SHROOM4: variants seen among roughly 807,000 people sequenced by gnomAD.
The protein encoded by SHROOM4 is protein Shroom4.
Under a neutral mutation model 80.3 loss-of-function variants are expected in SHROOM4, and 17 were observed. The ratio of observed to expected loss-of-function variants is 0.21; its 90% CI spans 0.14 to 0.32. The LOEUF (loss-of-function observed/expected upper bound fraction) is 0.32, where lower values mean the gene tolerates loss of function less well. Ranked by LOEUF, SHROOM4 falls within the 10% of genes least tolerant of loss-of-function variation. The pLI is 1.00. For synonymous variants in SHROOM4, 400 were observed against 437.5 expected, an observed-to-expected ratio of 0.91 and a Z score of 1.07; for missense variants, 993 against 1,140.3, an observed-to-expected ratio of 0.87 and a Z score of 1.86.
intron 1 of SHROOM4, among the ~76,000 whole-genome samples, chrX:50,740,720 A>C (rs1326037444): frequency 4.5e-5 from 5 of 112,262 alleles, no homozygotes; most frequent in Non-Finnish European, 7.5e-5. Context: ...GTCTCAAAAA[A>C]TGTAAAACAA....
At chrX:50,630,512 G>A (rs73501640) in intron 4 of SHROOM4, among the ~76,000 whole-genome samples, 4,633 of 110,666 alleles carry the variant, frequency 0.042, 256 homozygotes, top group African/African-American at 0.14. Flanking sequence ...TCAAAACCAG[G>A]CAGTCTGGTT....
rs1425303861 is a variant in SHROOM4, at chrX:50,592,460, T to A, written c.*4235A>T. On this transcript the variant is annotated 3_prime_UTR_variant, in exon 9 of 9. Coordinates refer to ENST00000376020, the MANE Select transcript of SHROOM4 (RefSeq NM_020717.5). ...GAGCTAGTAGCCCAGGTTCATTGAA[T>A]AAGTGGCAGAACCAGGATTTGAACA... The A allele has an allele frequency of 1.3e-5, 3 of 229,499 alleles. No homozygotes were observed. Among genetic ancestry groups the A allele is most frequent in the African/African-American group, 8.7e-5 (3 of 34,468 alleles). 18.9% of individuals were successfully genotyped at this position (229,499 alleles called of 1,213,427 possible). A position where few individuals can be genotyped will look rare whatever the true frequency, so the allele number is the denominator to read the frequency against.
At chrX:50,628,803 A>T (rs782713141) in intron 4 of SHROOM4, among the ~76,000 whole-genome samples, 1 of 112,378 alleles carries the variant, frequency 8.9e-6, no homozygotes, top group Non-Finnish European at 1.9e-5. Context: ...GAGAACTCCT[A>T]GCACATTGCT....
intron 1 of SHROOM4, among the ~76,000 whole-genome samples, chrX:50,806,488 G>GGC (rs1569549349): frequency 8.9e-6 from 1 of 112,240 alleles, no homozygotes; most frequent in South Asian, 3.7e-4. Flanking sequence ...ATAGGGCAAA[G>GGC]AGGTATAAGG....
chrX:50,657,402 C>T (rs889151303), intron 2 of SHROOM4, among the ~76,000 whole-genome samples: 2 of 109,839 alleles, frequency 1.8e-5, no homozygotes, highest in Non-Finnish European at 3.8e-5. Flanking sequence ...CATATATAGC[C>T]TTATTGTGTT....
chrX:50,658,028 T>C (rs112654687), intron 2 of SHROOM4, among the ~76,000 whole-genome samples: 1,799 of 111,656 alleles, frequency 0.016, 42 homozygotes, highest in African/African-American at 0.056. Flanking sequence ...CTACTTCTTC[T>C]GCTATGTGAG....
At chrX:50,661,351 C>A (rs782491678) in intron 2 of SHROOM4, among the ~76,000 whole-genome samples, 13 of 110,973 alleles carry the variant, frequency 1.2e-4, no homozygotes, top group Non-Finnish European at 2.5e-4. Context: ...GCGTCCAACA[C>A]CACGCCTGGC....
At chrX:50,655,547 T>G (rs1932275160) in intron 2 of SHROOM4, among the ~76,000 whole-genome samples, 1 of 106,821 alleles carries the variant, frequency 9.4e-6, no homozygotes, top group African/African-American at 3.4e-5. Flanking sequence ...ATATATAACA[T>G]ATATTTTTAT....
chrX:50,785,914 A>G (rs1326158609), intron 1 of SHROOM4, among the ~76,000 whole-genome samples: 9 of 112,009 alleles, frequency 8.0e-5, no homozygotes, highest in African/African-American at 2.9e-4. Flanking sequence ...CCAAACAAAT[A>G]AAAATCAGTA....
At chrX:50,689,135 A>T (rs1436251272) in intron 2 of SHROOM4, among the ~76,000 whole-genome samples, 1 of 111,905 alleles carries the variant, frequency 8.9e-6, no homozygotes, top group Non-Finnish European at 1.9e-5. Flanking sequence ...AGATATGCTA[A>T]TTACTGTGAT....
intron 1 of SHROOM4, among the ~76,000 whole-genome samples, chrX:50,812,603 G>A (rs1252875414): frequency 9.0e-6 from 1 of 110,894 alleles, no homozygotes; most frequent in African/African-American, 3.3e-5. Context: ...TAAGAGTGTG[G>A]GCCCCAAGGC....
intron 1 of SHROOM4, among the ~76,000 whole-genome samples, chrX:50,795,495 C>A (rs1338021753): frequency 9.0e-6 from 1 of 110,543 alleles, no homozygotes; most frequent in African/African-American, 3.3e-5. Context: ...AACAAGCATG[C>A]CCAGCTCATT....
chrX:50,738,208 C>A (rs1279039435), intron 1 of SHROOM4, among the ~76,000 whole-genome samples: 16 of 110,908 alleles, frequency 1.4e-4, no homozygotes, highest in Non-Finnish European at 2.3e-4. Context: ...TATGACAAAC[C>A]CACAGCCAAT....
At chrX:50,686,666 C>G in intron 2 of SHROOM4, among the ~76,000 whole-genome samples, 1 of 110,654 alleles carries the variant, frequency 9.0e-6, no homozygotes, top group South Asian at 3.9e-4. Context: ...ATCATTATAA[C>G]AAACTTGCAA....
At chrX:50,811,217 G>C (rs781941798) in intron 1 of SHROOM4, among the ~76,000 whole-genome samples, 1 of 110,777 alleles carries the variant, frequency 9.0e-6, no homozygotes, top group Admixed American at 9.6e-5. Flanking sequence ...TGAGGTGGGA[G>C]GGTTGCTTGA....
At chrX:50,692,405 T>A (rs1231288786) in intron 2 of SHROOM4, among the ~76,000 whole-genome samples, 1 of 112,285 alleles carries the variant, frequency 8.9e-6, no homozygotes, top group Non-Finnish European at 1.9e-5. Context: ...AATGTTTGTT[T>A]ATTCCAATTA....
At chrX:50,755,862 G>T (rs781810212) in intron 1 of SHROOM4, among the ~76,000 whole-genome samples, 3 of 111,369 alleles carry the variant, frequency 2.7e-5, no homozygotes, top group African/African-American at 9.8e-5. Flanking sequence ...ATGGAACAAG[G>T]TCCTGAAATA....
chrX:50,637,135 T>G (rs1228691396), intron 3 of SHROOM4, among the ~76,000 whole-genome samples: 1 of 111,585 alleles, frequency 9.0e-6, no homozygotes, highest in Non-Finnish European at 1.9e-5. Flanking sequence ...ATCTTCAATT[T>G]TAAGTACCAT....
chrX:50,591,884 A>G lies in SHROOM4; in HGVS notation c.*4811T>C, dbSNP rs1557245605. 3.2e-6 allele frequency: 1 copy of G among 316,870 alleles called. No individual in the cohort carries two copies. The highest frequency in any genetic ancestry group is 2.7e-5 in the African/African-American group (1 of 36,702). 26.1% of individuals were successfully genotyped at this position (316,870 alleles called of 1,213,427 possible). A position where few individuals can be genotyped will look rare whatever the true frequency, so the allele number is the denominator to read the frequency against. On this transcript the variant is annotated 3_prime_UTR_variant, in exon 9 of 9. Coordinates refer to ENST00000376020, the MANE Select transcript of SHROOM4 (RefSeq NM_020717.5). ...TGGTGCGTGCCACCACACCTGGCTA[A>G]TTTTTTGTATTTTTAGTAGAGATAG... is the stretch of plus-strand genomic sequence containing the variant.
Sources: gnomAD v4.1 joint callset for allele counts (sites outside exome capture counted in the v4.1 genomes callset) on GRCh38, gnomAD v4.1.1 for gene constraint, MANE v1.5 for transcripts, NCBI Gene and HGNC (gene_info 2026-07-23, HGNC 2026-07-21) for gene names.